The following RABGAP1L variants were observed in gnomAD, a reference collection of about 807,000 sequenced individuals.
RABGAP1L encodes RAB GTPase activating protein 1 like, also known as rab GTPase-activating protein 1-like.
RABGAP1L carries 63 observed loss-of-function variants against 137.7 expected under a neutral mutation model. The ratio of observed to expected loss-of-function variants is 0.46; its 90% CI spans 0.37 to 0.56. The LOEUF (loss-of-function observed/expected upper bound fraction) is 0.56. Among genes scored for constraint, RABGAP1L ranks in the 20% least tolerant of loss-of-function variants. The pLI is 0.00. For missense variants in RABGAP1L, 1,095 were observed against 1,244.0 expected (o/e 0.88, Z 1.80); for synonymous variants, 431 against 433.7 (o/e 0.99, Z 0.08).
At chr1:174,781,312 G>C (rs1484760792) in intron 18 of RABGAP1L, among the ~76,000 whole-genome samples, 1 of 152,170 alleles carries the variant, frequency 6.6e-6, no homozygotes, top group East Asian at 1.9e-4. Flanking sequence ...GTATTTCTCT[G>C]ATGGCCAGTG....
At chr1:174,988,497 GCAGCA>G in intron 24 of RABGAP1L, 139 bp from the exon 25 acceptor site, 3 of 719,612 alleles carry the variant, frequency 4.2e-6, no homozygotes, top group Non-Finnish European at 6.1e-6. Flanking sequence ...GATTTTGATT[GCAGCA>G]CAAGAAAAAT....
intron 13 of RABGAP1L, among the ~76,000 whole-genome samples, chr1:174,434,950 T>G (rs1218261232): frequency 6.6e-6 from 1 of 152,242 alleles, no homozygotes; most frequent in Non-Finnish European, 1.5e-5. Context: ...TGTCTTTTGC[T>G]AAGCAGAACA....
chr1:174,673,935 G>C (rs1384880302), intron 14 of RABGAP1L, among the ~76,000 whole-genome samples: 1 of 152,212 alleles, frequency 6.6e-6, no homozygotes, highest in Non-Finnish European at 1.5e-5. Flanking sequence ...AGAAGTATTT[G>C]TCATCAATAA....
rs533544874 is a variant in RABGAP1L at position 174,556,557 on chromosome 1, G to C, written c.1711-80818G>C. 6.2e-4 allele frequency among the ~76,000 whole-genome samples: 94 copies of C among 152,278 alleles called. 1 individual carries two copies. The South Asian group carries it at 0.019, about 31-fold the overall frequency. On this transcript the variant is annotated intron_variant, in intron 13 of 25. Transcript: ENST00000681986. Reference sequence around the variant, plus strand: ...ATGGTTGTACTGGTGGCAAAAGCTTGAAATTTGAGGAGTCAGAGCCAAAAG... The same window carrying C: ...ATGGTTGTACTGGTGGCAAAAGCTTCAAATTTGAGGAGTCAGAGCCAAAAG...
intron 1 of RABGAP1L, among the ~76,000 whole-genome samples, chr1:174,190,301 CAAAAAAA>C (rs57629149): frequency 4.4e-5 from 4 of 90,274 alleles, no homozygotes; most frequent in African/African-American, 7.1e-5. Context: ...GACTCCGTTG[CAAAAAAA>C]AAAAAAAAAA....
At chr1:174,611,240 T>C (rs1369949830) in intron 13 of RABGAP1L, among the ~76,000 whole-genome samples, 3 of 149,392 alleles carry the variant, frequency 2.0e-5, no homozygotes, top group Admixed American at 6.6e-5. Context: ...GTATAAGGTG[T>C]AAGGAAGGGA....
chr1:174,607,030 G>A (rs1404439897), intron 13 of RABGAP1L, among the ~76,000 whole-genome samples: 2 of 152,096 alleles, frequency 1.3e-5, no homozygotes, highest in Non-Finnish European at 2.9e-5. Context: ...AATCTGGGTA[G>A]GACTGCCAGA....
At chr1:174,914,326 T>C (rs1213434085) in intron 19 of RABGAP1L, among the ~76,000 whole-genome samples, 1 of 152,186 alleles carries the variant, frequency 6.6e-6, no homozygotes, top group Non-Finnish European at 1.5e-5. Context: ...CCCTTCCGTT[T>C]TAGGGGCACA....
At chr1:174,924,960 G>C (rs991480755) in intron 19 of RABGAP1L, among the ~76,000 whole-genome samples, 1 of 152,104 alleles carries the variant, frequency 6.6e-6, no homozygotes, top group African/African-American at 2.4e-5. Flanking sequence ...TGTTAAATAG[G>C]GTAGTAAGGG....
At chr1:174,303,358 G>A (rs187593576) in intron 10 of RABGAP1L, among the ~76,000 whole-genome samples, 6 of 152,148 alleles carry the variant, frequency 3.9e-5, no homozygotes, top group Admixed American at 2.6e-4. Flanking sequence ...CTCAGGTCTG[G>A]TTTCCTCATT....
chr1:174,216,880 T>C (rs1000078866), intron 1 of RABGAP1L, among the ~76,000 whole-genome samples: 27 of 151,982 alleles, frequency 1.8e-4, no homozygotes, highest in African/African-American at 6.3e-4. Context: ...GGTTTTGGTC[T>C]GGAGTTTTCA....
intron 1 of RABGAP1L, among the ~76,000 whole-genome samples, chr1:174,211,116 A>G (rs1668851936): frequency 6.6e-6 from 1 of 152,214 alleles, no homozygotes; most frequent in Admixed American, 6.5e-5. Context: ...AAAGAAAAGA[A>G]CGTTAATGAG....
At chr1:174,545,802 C>T (rs1264447680) in intron 13 of RABGAP1L, 2 of 152,204 alleles carry the variant, frequency 1.3e-5, no homozygotes, top group African/African-American at 2.4e-5. Flanking sequence ...TGCTTCCAAG[C>T]TTCTGTTGGA....
At chr1:174,388,735 A>G (rs1232922020) in intron 12 of RABGAP1L, among the ~76,000 whole-genome samples, 1 of 152,156 alleles carries the variant, frequency 6.6e-6, no homozygotes, top group African/African-American at 2.4e-5. Context: ...TACTGTGAAT[A>G]CTTAGTAAGT....
chr1:174,670,513 T>A (rs1004310545), intron 14 of RABGAP1L, among the ~76,000 whole-genome samples: 3 of 152,144 alleles, frequency 2.0e-5, no homozygotes, highest in African/African-American at 7.2e-5. Context: ...TTTTTTCCGA[T>A]TAATCATCCC....
intron 21 of RABGAP1L, among the ~76,000 whole-genome samples, chr1:174,973,523 T>C (rs555366297): frequency 9.9e-5 from 15 of 152,022 alleles, no homozygotes; most frequent in African/African-American, 3.6e-4. Flanking sequence ...TAGCTGGAAT[T>C]ACAGGTGCCC....
intron 24 of RABGAP1L, among the ~76,000 whole-genome samples, chr1:174,984,087 T>C (rs1332561951): frequency 1.3e-5 from 2 of 148,696 alleles, no homozygotes; most frequent in East Asian, 2.0e-4. Flanking sequence ...AAGGGATACA[T>C]GTGCAGAAGG....
chr1:174,476,730 T>C (rs561544666), intron 13 of RABGAP1L, among the ~76,000 whole-genome samples: 1 of 152,192 alleles, frequency 6.6e-6, no homozygotes, highest in Non-Finnish European at 1.5e-5. Flanking sequence ...CCTCCAGAAG[T>C]TCCAAAGCGG....
At chr1:174,821,446 A>G (rs541442572) in intron 19 of RABGAP1L, among the ~76,000 whole-genome samples, 71 of 152,256 alleles carry the variant, frequency 4.7e-4, no homozygotes, top group African/African-American at 1.6e-3. Context: ...ACTATTTTCT[A>G]CTCTCCCAAA....
Sources: gnomAD v4.1 joint callset for allele counts (sites outside exome capture counted in the v4.1 genomes callset) on GRCh38, gnomAD v4.1.1 for gene constraint, MANE v1.5 for transcripts, NCBI Gene and HGNC (gene_info 2026-07-23, HGNC 2026-07-21) for gene names.